ITGB1: variants seen among roughly 807,000 people sequenced by gnomAD.
ITGB1 encodes integrin subunit beta 1.
In ITGB1, 24 loss-of-function variants were observed where a neutral mutation model predicts 86.5. The observed-to-expected ratio is 0.28, with a 90% CI of 0.20 to 0.39. The LOEUF is 0.39. ITGB1 is among the 10% of genes least tolerant of loss of function. ITGB1 has a pLI of 1.00. For synonymous variants in ITGB1, 323 were observed against 316.8 expected (o/e 1.02, Z -0.21); for missense variants, 556 against 946.9 (o/e 0.59, Z 5.42).
chr10:32,946,930 C>T (rs1261713130), intron 1 of ITGB1, among the ~76,000 whole-genome samples: 4 of 151,972 alleles, frequency 2.6e-5, no homozygotes, highest in East Asian at 1.9e-4. Context: ...CTGCAACCTC[C>T]GCCTCCTGGG....
chr10:32,942,320 GT>G (rs2095020327), intron 1 of ITGB1, among the ~76,000 whole-genome samples: 1 of 152,134 alleles, frequency 6.6e-6, no homozygotes, highest in Non-Finnish European at 1.5e-5. Context: ...AGGAAAAGAG[GT>G]ACGGCTTAGG....
Position 32,929,950 on chromosome 10 carries a change from G to T in ITGB1, c.248C>A (p.Pro83His). The change falls in exon 4 of 16, where the codon CCC (proline) becomes CAC (histidine). Residue 83 changes from proline to histidine, a missense_variant. Pro to His is a moderately conservative substitution (Grantham distance 77). Around this residue, in one of 4 missense-constraint regions of ITGB1, gnomAD observed 183 missense variants for 263.9 expected, o/e 0.69. Transcript: ENST00000302278. ...TTTCTTTATATCTTTGGAGCCTCTG[G>T]GATTTTCTATGTCATCTGGAGGGCA... ...KGCPPDDIEN[P>H]RGSKDIKKNK... 1 of 1,493,012 alleles carries T rather than the reference G, an allele frequency of 6.7e-7. No homozygotes were observed. Among genetic ancestry groups the T allele is most frequent in the Non-Finnish European group, 9.4e-7 (1 of 1,069,372 alleles). The allele number at this position is 1,493,012 out of a possible 1,614,324, so 92.5% of individuals were successfully genotyped here. A position where few individuals can be genotyped will look rare whatever the true frequency, so the allele number is the denominator to read the frequency against.
At chr10:32,937,017 T>A (rs913293740) in intron 1 of ITGB1, among the ~76,000 whole-genome samples, 3 of 152,138 alleles carry the variant, frequency 2.0e-5, no homozygotes, top group Non-Finnish European at 4.4e-5. Context: ...GGGAAATAAT[T>A]TGACAATTTA....
At chr10:32,949,864 T>A (rs1271526381) in intron 1 of ITGB1, among the ~76,000 whole-genome samples, 1 of 152,166 alleles carries the variant, frequency 6.6e-6, no homozygotes, top group Non-Finnish European at 1.5e-5. Context: ...CCTTTTAAAT[T>A]TACAATCTTT....
At chr10:32,924,768 A>C (rs2094959970) in intron 6 of ITGB1, among the ~76,000 whole-genome samples, 5 of 152,370 alleles carry the variant, frequency 3.3e-5, no homozygotes, top group Admixed American at 3.3e-4. Flanking sequence ...AACAGCAGGG[A>C]CTAACCTTAA....
chr10:32,909,544 A>G (rs772340829), intron 14 of ITGB1, among the ~76,000 whole-genome samples: 25 of 152,282 alleles, frequency 1.6e-4, no homozygotes, highest in Admixed American at 4.6e-4. Context: ...ATGAAATGAT[A>G]AGGAGACACA....
intron 2 of ITGB1, chr10:32,932,858 A>G (rs1376399724): frequency 3.4e-6 from 1 of 294,720 alleles, no homozygotes. Context: ...ACAGTCATAT[A>G]ATGGTAAATG....
intron 1 of ITGB1, among the ~76,000 whole-genome samples, chr10:32,949,949 T>C (rs180678143): frequency 1.1e-4 from 16 of 152,262 alleles, no homozygotes; most frequent in Admixed American, 9.8e-4. Flanking sequence ...ATATGTAACA[T>C]ATGTAACATG....
chr10:32,946,097 G>T (rs769335487), intron 1 of ITGB1, among the ~76,000 whole-genome samples: 4 of 152,160 alleles, frequency 2.6e-5, no homozygotes, highest in Non-Finnish European at 4.4e-5. Flanking sequence ...CTCGGGTTAA[G>T]AAATGTGTTT....
chr10:32,950,389 C>T (rs1213796482), intron 1 of ITGB1, among the ~76,000 whole-genome samples: 1 of 151,998 alleles, frequency 6.6e-6, no homozygotes, highest in South Asian at 2.1e-4. Context: ...GAGATGAGTT[C>T]CTCCCATGGA....
chr10:32,944,271 C>T (rs2095025841), intron 1 of ITGB1, among the ~76,000 whole-genome samples: 1 of 152,242 alleles, frequency 6.6e-6, no homozygotes. Flanking sequence ...CAGGGAAGGC[C>T]TGGGAGCCAC....
At chr10:32,947,337 T>C (rs76189443) in intron 1 of ITGB1, among the ~76,000 whole-genome samples, 1,828 of 151,378 alleles carry the variant, frequency 0.012, 30 homozygotes, top group African/African-American at 0.041. Flanking sequence ...GACCAAGGTG[T>C]GAGAAGTATC....
At chr10:32,942,450 C>T (rs1400435397) in intron 1 of ITGB1, among the ~76,000 whole-genome samples, 1 of 152,210 alleles carries the variant, frequency 6.6e-6, no homozygotes, top group East Asian at 1.9e-4. Flanking sequence ...CATTTCACTT[C>T]TAACTATTTG....
chr10:32,906,248 A>C (rs1362542975), intron 15 of ITGB1, among the ~76,000 whole-genome samples: 1 of 152,140 alleles, frequency 6.6e-6, no homozygotes, highest in East Asian at 1.9e-4. Context: ...TTCGTGATCA[A>C]TTTTCACTAT....
At chr10:32,941,193 C>T (rs1033654743) in intron 1 of ITGB1, among the ~76,000 whole-genome samples, 8 of 152,062 alleles carry the variant, frequency 5.3e-5, no homozygotes, top group African/African-American at 1.4e-4. Flanking sequence ...CATGAAGTCC[C>T]GAGGCGAATT....
At chr10:32,945,108 T>C in intron 1 of ITGB1, 3 of 386,714 alleles carry the variant, frequency 7.8e-6, no homozygotes, top group Admixed American at 3.7e-5. Context: ...TTGAAAGTTA[T>C]ATTACTTTTA....
At chr10:32,948,006 A>ATTTTT (rs35342363) in intron 1 of ITGB1, among the ~76,000 whole-genome samples, 1 of 147,728 alleles carries the variant, frequency 6.8e-6, no homozygotes, top group Non-Finnish European at 1.5e-5. Flanking sequence ...CTATGGTTGA[A>ATTTTT]TTTTTTTTTT....
intron 11 of ITGB1, among the ~76,000 whole-genome samples, chr10:32,919,183 TCAATAGC>T (rs970170497): frequency 1.7e-4 from 26 of 152,232 alleles, no homozygotes; most frequent in Non-Finnish European, 3.8e-4. Context: ...TCTTTCATAG[TCAATAGC>T]CTTCTAAGCC....
At chr10:32,958,078 G>A (rs1404994203) in intron 1 of ITGB1, 67 bp downstream of exon 1, 2 of 149,988 alleles carry the variant, frequency 1.3e-5, no homozygotes, top group Non-Finnish European at 3.0e-5. Flanking sequence ...GGCTTTAAGT[G>A]CTGCCGCGCA....
Sources: allele counts gnomAD v4.1 joint callset (sites outside exome capture counted in the v4.1 genomes callset), GRCh38; gene constraint gnomAD v4.1.1; regional missense constraint gnomAD v4.1.1; transcripts MANE v1.5; gene names NCBI Gene and HGNC (gene_info 2026-07-23, HGNC 2026-07-21).